The following WASHC5 variants were observed in gnomAD, a reference collection of about 807,000 sequenced individuals.
WASHC5 encodes WASH complex subunit strumpellin.
A neutral mutation model predicts 150.4 loss-of-function variants in WASHC5; 101 were observed. The ratio of observed to expected loss-of-function variants is 0.67; its 90% CI spans 0.57 to 0.79. The LOEUF is 0.79. WASHC5 is among the 30% of genes least tolerant of loss of function. The probability of loss-of-function intolerance (pLI) is 0.00; values close to 1 mark genes in which losing one functional copy is unlikely to be tolerated. For missense variants in WASHC5, 1,195 were observed against 1,396.3 expected, an observed-to-expected ratio of 0.86 and a Z score of 2.30; for synonymous variants, 467 against 491.2, an observed-to-expected ratio of 0.95 and a Z score of 0.65.
chr8:125,064,671 C>T (rs1816697018), intron 10 of WASHC5, among the ~76,000 whole-genome samples: 1 of 151,892 alleles, frequency 6.6e-6, no homozygotes, highest in Non-Finnish European at 1.5e-5. Flanking sequence ...GACACGCCAT[C>T]TCAGACAAGG....
At chr8:125,045,308 CTG>C (rs1816031057) in intron 20 of WASHC5, among the ~76,000 whole-genome samples, 1 of 152,196 alleles carries the variant, frequency 6.6e-6, no homozygotes, top group African/African-American at 2.4e-5. Flanking sequence ...GCACCAGGTG[CTG>C]TGTGTGCTAA....
At chr8:125,087,141 C>A (rs1817442733) in intron 1 of WASHC5, among the ~76,000 whole-genome samples, 1 of 152,148 alleles carries the variant, frequency 6.6e-6, no homozygotes, top group Admixed American at 6.5e-5. Context: ...ACTAACAGTA[C>A]AAGTTGTCAA....
chr8:125,041,274 A>G (rs1815876914), intron 23 of WASHC5, among the ~76,000 whole-genome samples: 1 of 152,150 alleles, frequency 6.6e-6, no homozygotes, highest in African/African-American at 2.4e-5. Context: ...TGGGGAGAGG[A>G]GGGAAGACAG....
chr8:125,045,801 C>T (rs1426551206), intron 20 of WASHC5, among the ~76,000 whole-genome samples: 1 of 152,134 alleles, frequency 6.6e-6, no homozygotes, highest in Non-Finnish European at 1.5e-5. Flanking sequence ...CTGGGGAGGC[C>T]CCCAATTCTG....
In WASHC5 at chr8:125,032,291, G is replaced by C; in HGVS notation, c.3285C>G (p.Phe1095Leu). Residue 1095 changes from phenylalanine to leucine, a missense_variant, in exon 27 of 29, where the codon TTC (phenylalanine) becomes TTG (leucine). Transcript: ENST00000318410. Reference sequence around the variant, plus strand: ...AGATAAACTGGCCAATCAGCGCCAGGAACTGCTCGGTGTACCGGGAATGGA... The same window carrying C: ...AGATAAACTGGCCAATCAGCGCCAGCAACTGCTCGGTGTACCGGGAATGGA... ...KQFHSRYTEQ[F>L]LALIGQFICS... is the part of the protein sequence containing the mutation. The C allele has an allele frequency of 6.2e-7, 1 of 1,614,162 alleles. No individual in the cohort carries two copies. The highest frequency in any genetic ancestry group is 1.1e-5 in the South Asian group (1 of 91,082).
At position 125,038,228 on chromosome 8, in the gene WASHC5, T is replaced by C. The variant is rs556280873; in HGVS notation, c.3084+602A>G. ...AAATTTTACAGATTTAGAAAGATAA[T>C]ATAGGGGCTGGCGTAATGCACTATA... On this transcript the variant is annotated intron_variant, in intron 25 of 28. Coordinates refer to ENST00000318410, the MANE Select transcript of WASHC5 (RefSeq NM_014846.4). Among the ~76,000 whole-genome samples the C allele has an allele frequency of 2.6e-5, 4 of 152,300 alleles. No homozygotes were observed. In the South Asian group the frequency reaches 6.2e-4, roughly 24 times the overall value.
intron 19 of WASHC5, among the ~76,000 whole-genome samples, chr8:125,048,524 A>T (rs997016389): frequency 6.6e-6 from 1 of 152,218 alleles, no homozygotes; most frequent in Non-Finnish European, 1.5e-5. Flanking sequence ...CTATAATTTT[A>T]AAAAATTGAA....
At position 125,024,460 on chromosome 8, in the gene WASHC5, C is replaced by CA; in HGVS notation, c.*156dup. Reference sequence around the variant, plus strand: ...CAATATCAGTTATATTAACTAATGCCATGAGATATATCTTACTCAGAACGT... The same window carrying CA: ...CAATATCAGTTATATTAACTAATGCCAATGAGATATATCTTACTCAGAACGT... On this transcript the variant is annotated 3_prime_UTR_variant, in exon 29 of 29. Transcript: ENST00000318410. The CA allele has an allele frequency of 1.5e-6, 1 of 682,612 alleles. No individual in the cohort carries two copies. Among genetic ancestry groups the CA allele is most frequent in the South Asian group, 1.6e-5 (1 of 61,890 alleles). 42.3% of individuals were successfully genotyped at this position (682,612 alleles called of 1,614,324 possible).
intron 10 of WASHC5, among the ~76,000 whole-genome samples, chr8:125,067,316 C>G (rs1235378586): frequency 6.6e-6 from 1 of 152,150 alleles, no homozygotes; most frequent in Non-Finnish European, 1.5e-5. Context: ...CTGCACTTGG[C>G]CTAGTGTGAT....
chr8:125,027,069 G>A (rs556229922), intron 28 of WASHC5, among the ~76,000 whole-genome samples: 14 of 152,104 alleles, frequency 9.2e-5, no homozygotes, highest in East Asian at 1.9e-4. Flanking sequence ...TCTTATAGAG[G>A]TTATTCTTAG....
At chr8:125,051,654 G>A (rs1003120200) in intron 17 of WASHC5, among the ~76,000 whole-genome samples, 1 of 152,240 alleles carries the variant, frequency 6.6e-6, no homozygotes, top group African/African-American at 2.4e-5. Flanking sequence ...TTGGAAAGCT[G>A]AGGCAGGCGG....
At chr8:125,062,174 T>C (rs544981815) in intron 11 of WASHC5, among the ~76,000 whole-genome samples, 2 of 152,228 alleles carry the variant, frequency 1.3e-5, no homozygotes, top group East Asian at 3.9e-4. Context: ...AGCATGAAAT[T>C]TGGGGTCTGA....
chr8:125,063,782 G>T, intron 10 of WASHC5, 131 bp from the exon 11 acceptor site: 1 of 787,650 alleles, frequency 1.3e-6, no homozygotes, highest in Non-Finnish European at 2.0e-6. Flanking sequence ...CATTGACCCT[G>T]ATGTCATCTC....
At chr8:125,089,497 C>T (rs1428241264) in intron 1 of WASHC5, among the ~76,000 whole-genome samples, 1 of 152,190 alleles carries the variant, frequency 6.6e-6, no homozygotes, top group Non-Finnish European at 1.5e-5. Flanking sequence ...GGCCTGCAGG[C>T]CTCAGGCTAC....
Position 125,024,345 on chromosome 8 carries a change from T to A in WASHC5, c.*272A>T, listed in dbSNP as rs1019006490. On this transcript the variant is annotated 3_prime_UTR_variant, in exon 29 of 29. Coordinates refer to ENST00000318410, the MANE Select transcript of WASHC5 (RefSeq NM_014846.4). ...ACATAAAACTAAATGGATTTATACA[T>A]AACAGTTACATTCAGCATTTAAGAG... The A allele has an allele frequency of 2.0e-6, 1 of 511,356 alleles. No individual in the cohort carries two copies. Among genetic ancestry groups the A allele is most frequent in the African/African-American group, 1.9e-5 (1 of 51,698 alleles). The allele number at this position is 511,356 out of a possible 1,614,324, so 31.7% of individuals were successfully genotyped here.
intron 6 of WASHC5, among the ~76,000 whole-genome samples, chr8:125,078,249 AC>A (rs1275007379): frequency 6.6e-6 from 1 of 151,750 alleles, no homozygotes; most frequent in African/African-American, 2.4e-5. Flanking sequence ...CTTTCCTGGC[AC>A]TCCTCTTACC....
At chr8:125,082,928 C>T (rs1211013707) in intron 3 of WASHC5, 185 bp downstream of exon 3, 4 of 531,030 alleles carry the variant, frequency 7.5e-6, no homozygotes, top group South Asian at 2.5e-5. Flanking sequence ...AAGAGCAGGA[C>T]ATTATAGTAA....
intron 10 of WASHC5, among the ~76,000 whole-genome samples, chr8:125,063,960 G>A (rs1816675738): frequency 1.3e-5 from 2 of 152,032 alleles, no homozygotes; most frequent in African/African-American, 4.8e-5. Context: ...TCTTGAATAG[G>A]GCCAGAAATC....
chr8:125,087,659 G>T (rs974239781), intron 1 of WASHC5, among the ~76,000 whole-genome samples: 3 of 151,448 alleles, frequency 2.0e-5, no homozygotes, highest in Admixed American at 6.6e-5. Flanking sequence ...CTTGAGCCCT[G>T]GAGGTTGAGG....
Sources: allele counts gnomAD v4.1 joint callset (sites outside exome capture counted in the v4.1 genomes callset), GRCh38; gene constraint gnomAD v4.1.1; transcripts MANE v1.5; gene names NCBI Gene and HGNC (gene_info 2026-07-23, HGNC 2026-07-21).